CPNE3: variants seen among roughly 807,000 people sequenced by gnomAD.
The protein encoded by CPNE3 is copine-3.
Under a neutral mutation model 63.9 loss-of-function variants are expected in CPNE3, and 68 were observed. The observed-to-expected ratio is 1.06, with a 90% CI of 0.87 to 1.30. The LOEUF (loss-of-function observed/expected upper bound fraction) is 1.30, where lower values mean the gene tolerates loss of function less well. Among genes scored for constraint, CPNE3 ranks in the 50% most tolerant of loss-of-function variants. The pLI, the probability that CPNE3 is intolerant of heterozygous loss-of-function variation, is 0.00. For synonymous variants in CPNE3, 219 were observed against 197.5 expected (o/e 1.11, Z -0.91); for missense variants, 665 against 578.1 (o/e 1.15, Z -1.54).
intron 10 of CPNE3, among the ~76,000 whole-genome samples, chr8:86,547,047 C>G (rs983446189): frequency 6.6e-6 from 1 of 152,186 alleles, no homozygotes; most frequent in African/African-American, 2.4e-5. Context: ...GATTATATTT[C>G]AAGTTCTCCT....
In CPNE3 at chr8:86,522,196, G is replaced by A. The variant is rs550541038; in HGVS notation, c.-10-6340G>A. The stretch of plus-strand genomic sequence containing the variant: ...CTGGGGAGCTTCTTCAGCTCCAAGA[G>A]CACTTTGATTGTTCCCTGTCTGTAC... On this transcript the variant is annotated intron_variant, in intron 2 of 16. Transcript: ENST00000517490. 2.0e-5 allele frequency among the ~76,000 whole-genome samples: 3 copies of A among 152,222 alleles called. No homozygotes were observed. In the South Asian group the frequency reaches 6.2e-4, roughly 32 times the overall value.
At chr8:86,536,228 G>A (rs1013378371) in intron 6 of CPNE3, among the ~76,000 whole-genome samples, 1 of 149,416 alleles carries the variant, frequency 6.7e-6, no homozygotes, top group Non-Finnish European at 1.5e-5. Flanking sequence ...GTGTGTATGT[G>A]TTCATATGTA....
In CPNE3 at chr8:86,547,692, A is replaced by G; in HGVS notation, c.820-19A>G. 1 of 1,034,674 alleles carries G rather than the reference A, an allele frequency of 9.7e-7. No homozygotes were observed. Among genetic ancestry groups the G allele is most frequent in the Non-Finnish European group, 1.5e-6 (1 of 662,298 alleles). The allele number at this position is 1,034,674 out of a possible 1,614,324, so 64.1% of individuals were successfully genotyped here. The stretch of plus-strand genomic sequence containing the variant: ...GTATAGTAGGAGAGTTGTAATTTTA[A>G]GTTTTCTCTTATTTTTAGATTACAG... On this transcript the variant is annotated intron_variant, in intron 10 of 16. Coordinates refer to ENST00000517490, the MANE Select transcript of CPNE3 (RefSeq NM_003909.5).
intron 8 of CPNE3, among the ~76,000 whole-genome samples, chr8:86,541,819 T>G (rs1285096352): frequency 6.6e-6 from 1 of 151,976 alleles, no homozygotes; most frequent in Non-Finnish European, 1.5e-5. Flanking sequence ...TTTGAAACAG[T>G]AGTGAAAATC....
Position 86,554,965 on chromosome 8 carries a change from C to A in CPNE3, c.1235C>A (p.Thr412Lys), listed in dbSNP as rs2304789. The change falls in exon 15 of 17, where the codon ACG becomes AAG. Residue 412 changes from threonine (T) to lysine (K), a missense_variant. Thr to Lys is a moderately conservative substitution (Grantham distance 78). Transcript: ENST00000517490. ...GTGGCCAGGTTTGCTGCTGCAGCCA[C>A]GCAACAGCAGACAGCTTCTGTAAGT... ...NHVARFAAAA[T>K]QQQTASQYFV... 6 of 1,613,848 alleles carry A rather than the reference C, an allele frequency of 3.7e-6. No homozygotes were observed. The highest frequency in any genetic ancestry group is 5.1e-6 in the Non-Finnish European group (6 of 1,179,970).
chr8:86,519,298 A>G (rs1344214132), intron 2 of CPNE3, among the ~76,000 whole-genome samples: 1 of 152,210 alleles, frequency 6.6e-6, no homozygotes, highest in Admixed American at 6.5e-5. Flanking sequence ...AAGGGTCTTT[A>G]GTTGATTGCT....
At chr8:86,548,597 G>A (rs1339818324) in intron 12 of CPNE3, among the ~76,000 whole-genome samples, 163 bp downstream of exon 12, 1 of 152,088 alleles carries the variant, frequency 6.6e-6, no homozygotes, top group African/African-American at 2.4e-5. Context: ...TGGCAATCTT[G>A]CTGTTTACCT....
chr8:86,532,655 T>TG, intron 6 of CPNE3, 75 bp downstream of exon 6: 1 of 1,249,808 alleles, frequency 8.0e-7, no homozygotes, highest in Non-Finnish European at 1.2e-6. Context: ...ATGCAGTTAA[T>TG]ATCATGAACT....
chr8:86,534,111 A>G (rs2131454555), intron 6 of CPNE3, among the ~76,000 whole-genome samples: 1 of 152,056 alleles, frequency 6.6e-6, no homozygotes, highest in East Asian at 1.9e-4. Flanking sequence ...TTTTTCAAAA[A>G]AGAATTTTCC....
At chr8:86,542,549 A>G (rs1820963213) in intron 8 of CPNE3, among the ~76,000 whole-genome samples, 2 of 151,742 alleles carry the variant, frequency 1.3e-5, no homozygotes, top group South Asian at 4.1e-4. Context: ...CTATATATGC[A>G]TGTGTATATG....
Position 86,522,548 on chromosome 8 carries a change from C to CTTTTTTT in CPNE3, c.-10-5965_-10-5959dup, listed in dbSNP as rs36073581. Among the ~76,000 whole-genome samples, 242 of 82,142 alleles carry CTTTTTTT rather than the reference C, an allele frequency of 2.9e-3. 23 individuals carry two copies. Among genetic ancestry groups the CTTTTTTT allele is most frequent in the Non-Finnish European group, 3.7e-3 (174 of 46,538 alleles). 53.9% of individuals were successfully genotyped at this position (82,142 alleles called of 152,430 possible). A position where few individuals can be genotyped will look rare whatever the true frequency, so the allele number is the denominator to read the frequency against. On this transcript the variant is annotated intron_variant, in intron 2 of 16. Transcript: ENST00000517490. ...CAGCCATATTACCTGACGCCCGCTG[C>CTTTTTTT]TTTTTTTTTTTTTTTTTTTTTTTTT...
chr8:86,558,438 T>C lies in CPNE3; in HGVS notation c.*28T>C, dbSNP rs766647460. 1 of 872,426 alleles carries C rather than the reference T, an allele frequency of 1.1e-6. No homozygotes were observed. The allele number at this position is 872,426 out of a possible 1,614,324, so 54.0% of individuals were successfully genotyped here. On this transcript the variant is annotated 3_prime_UTR_variant, in exon 17 of 17. Transcript: ENST00000517490. ...ACTTCAACAGAATTCTTTTGTGTTATGTGGAGCAATGCCATCTCTCACCCC... is the reference window on the plus strand; with the variant it reads ...ACTTCAACAGAATTCTTTTGTGTTACGTGGAGCAATGCCATCTCTCACCCC...
At chr8:86,547,970 C>G (rs960383886) in intron 11 of CPNE3, among the ~76,000 whole-genome samples, 200 bp downstream of exon 11, 1 of 152,156 alleles carries the variant, frequency 6.6e-6, no homozygotes, top group Non-Finnish European at 1.5e-5. Context: ...TGAGAGAAAG[C>G]AGATGTATAC....
At chr8:86,523,688 T>C (rs6651269) in intron 2 of CPNE3, among the ~76,000 whole-genome samples, 111,697 of 152,028 alleles carry the variant, frequency 0.73, 41,974 homozygotes, top group African/African-American at 0.83. Flanking sequence ...TTGGTTCAAG[T>C]GATTCTCCTG....
chr8:86,522,671 G>A (rs1408030175), intron 2 of CPNE3, among the ~76,000 whole-genome samples: 1 of 149,864 alleles, frequency 6.7e-6, no homozygotes, highest in Non-Finnish European at 1.5e-5. Flanking sequence ...GGTTCCAGCT[G>A]CCCCAGGGTT....
At chr8:86,528,468 TG>T (rs2131440771) in intron 2 of CPNE3, 67 bp from the exon 3 acceptor site, 1 of 1,563,124 alleles carries the variant, frequency 6.4e-7, no homozygotes, top group African/African-American at 1.4e-5. Context: ...CACCTGTTTT[TG>T]TTAGGAATGA....
intron 14 of CPNE3, among the ~76,000 whole-genome samples, chr8:86,553,395 AAATGACATTTTAGTC>A (rs1466931892): frequency 1.3e-5 from 2 of 152,176 alleles, no homozygotes; most frequent in African/African-American, 4.8e-5. Flanking sequence ...CATGCACTAA[AAATGACATTTTAGTC>A]AAGGACAGAC....
At chr8:86,520,114 TATTC>T (rs1478199141) in intron 2 of CPNE3, among the ~76,000 whole-genome samples, 1 of 140,822 alleles carries the variant, frequency 7.1e-6, no homozygotes, top group Non-Finnish European at 1.7e-5. Context: ...TAATGTTTTC[TATTC>T]ATTTTAAAAA....
intron 16 of CPNE3, among the ~76,000 whole-genome samples, chr8:86,557,003 T>A (rs558012346): frequency 6.6e-6 from 1 of 152,214 alleles, no homozygotes; most frequent in Non-Finnish European, 1.5e-5. Flanking sequence ...TTTTTATTGC[T>A]GAGTCATATT....
Sources: allele counts gnomAD v4.1 joint callset (sites outside exome capture counted in the v4.1 genomes callset), GRCh38; gene constraint gnomAD v4.1.1; transcripts MANE v1.5; gene names NCBI Gene and HGNC (gene_info 2026-07-23, HGNC 2026-07-21).